The following CDH18 variants were observed in gnomAD, a reference collection of about 807,000 sequenced individuals.
CDH18 encodes cadherin-18.
In CDH18, 31 loss-of-function variants were observed where a neutral mutation model predicts 67.9. The observed-to-expected ratio is 0.46, with a 90% CI of 0.34 to 0.62. The LOEUF is 0.62. CDH18 is among the 20% of genes least tolerant of loss of function. CDH18 has a pLI of 0.01. For missense variants in CDH18, 890 were observed against 975.5 expected (o/e 0.91, Z 1.17); for synonymous variants, 362 against 347.2 (o/e 1.04, Z -0.48).
chr5:19,943,041 G>A (rs995753152), intron 2 of CDH18, among the ~76,000 whole-genome samples: 8 of 152,124 alleles, frequency 5.3e-5, no homozygotes, highest in Middle Eastern at 3.2e-3. Flanking sequence ...CTATCTAGCT[G>A]CAAGTTACTT....
chr5:20,502,803 G>T (rs537496957), intron 1 of CDH18, among the ~76,000 whole-genome samples: 1 of 152,182 alleles, frequency 6.6e-6, no homozygotes, highest in African/African-American at 2.4e-5. Flanking sequence ...ACCAGTCAGG[G>T]TTACTACATT....
chr5:19,692,714 A>C (rs1040774233), intron 5 of CDH18, among the ~76,000 whole-genome samples: 2 of 152,012 alleles, frequency 1.3e-5, no homozygotes, highest in African/African-American at 2.4e-5. Context: ...GGCTATTATT[A>C]AAATGGAAAA....
intron 2 of CDH18, among the ~76,000 whole-genome samples, chr5:20,246,232 T>C (rs182046173): frequency 1.0e-3 from 152 of 152,334 alleles, no homozygotes; most frequent in African/African-American, 3.6e-3. Flanking sequence ...TATTCTTTTA[T>C]AAAACCACCT....
At chr5:20,084,122 GC>G (rs1450893453) in intron 2 of CDH18, among the ~76,000 whole-genome samples, 1 of 152,102 alleles carries the variant, frequency 6.6e-6, no homozygotes, top group Non-Finnish European at 1.5e-5. Context: ...CCACCTATGA[GC>G]CTGTTATATC....
At position 19,866,128 on chromosome 5, in the gene CDH18, A is replaced by G. The variant is rs1042872288; in HGVS notation, c.-256-26886T>C. 5.3e-5 allele frequency among the ~76,000 whole-genome samples: 8 copies of G among 152,332 alleles called. No homozygotes were observed. The South Asian group carries it at 1.7e-3, about 32-fold the overall frequency. ...TTAGAGGTCACCAATATTGCTTCTG[A>G]AAACAGAAACCAAGTCTCTTAAAAC... On this transcript the variant is annotated intron_variant, in intron 2 of 12. Transcript: ENST00000382275.
At chr5:19,740,856 G>A (rs1036773721) in intron 4 of CDH18, among the ~76,000 whole-genome samples, 1 of 151,964 alleles carries the variant, frequency 6.6e-6, no homozygotes, top group Non-Finnish European at 1.5e-5. Context: ...TATAGAGAAA[G>A]AAATTGAAGA....
At chr5:20,050,266 ATAGT>A (rs1313623398) in intron 2 of CDH18, among the ~76,000 whole-genome samples, 3 of 151,860 alleles carry the variant, frequency 2.0e-5, no homozygotes, top group African/African-American at 4.8e-5. Context: ...AAAATGCCTA[ATAGT>A]TACTCTCTAT....
At chr5:20,020,753 G>A (rs148333213) in intron 2 of CDH18, among the ~76,000 whole-genome samples, 1 of 152,098 alleles carries the variant, frequency 6.6e-6, no homozygotes, top group Admixed American at 6.5e-5. Context: ...CAGGACCAGA[G>A]CCCCCATGGA....
intron 1 of CDH18, among the ~76,000 whole-genome samples, chr5:20,352,452 T>G (rs892249900): frequency 2.0e-5 from 3 of 151,970 alleles, no homozygotes; most frequent in African/African-American, 7.3e-5. Context: ...CTACTATGAT[T>G]ATCTCATTTT....
intron 5 of CDH18, among the ~76,000 whole-genome samples, chr5:19,710,352 G>T (rs1764556812): frequency 6.6e-6 from 1 of 152,072 alleles, no homozygotes; most frequent in African/African-American, 2.4e-5. Flanking sequence ...TGTCTTCTAT[G>T]TGTCACACAA....
At chr5:20,316,572 A>G (rs1179098311) in intron 1 of CDH18, among the ~76,000 whole-genome samples, 1 of 152,054 alleles carries the variant, frequency 6.6e-6, no homozygotes, top group Non-Finnish European at 1.5e-5. Flanking sequence ...TTAAGTTTGA[A>G]TTAATTGAAA....
intron 2 of CDH18, among the ~76,000 whole-genome samples, chr5:19,946,262 T>A (rs749023160): frequency 1.6e-4 from 24 of 152,220 alleles, no homozygotes; most frequent in Admixed American, 4.6e-4. Flanking sequence ...CAATGAAACA[T>A]CCTTCCGGAA....
intron 1 of CDH18, among the ~76,000 whole-genome samples, chr5:20,310,537 T>C (rs1317984311): frequency 3.3e-5 from 5 of 152,224 alleles, no homozygotes; most frequent in African/African-American, 1.2e-4. Flanking sequence ...GTTGGTCATG[T>C]GACCTCAGGG....
intron 2 of CDH18, among the ~76,000 whole-genome samples, chr5:20,237,524 A>C (rs1742570593): frequency 6.6e-6 from 1 of 151,970 alleles, no homozygotes; most frequent in South Asian, 2.1e-4. Flanking sequence ...TTGTGATATC[A>C]ACAAAGACTC....
At chr5:19,952,745 G>A (rs1262960333) in intron 2 of CDH18, among the ~76,000 whole-genome samples, 1 of 152,058 alleles carries the variant, frequency 6.6e-6, no homozygotes, top group East Asian at 1.9e-4. Context: ...TATAGTTCAA[G>A]ACATTCAATA....
intron 1 of CDH18, among the ~76,000 whole-genome samples, chr5:20,476,316 A>G (rs1242005391): frequency 6.6e-6 from 1 of 150,836 alleles, no homozygotes; most frequent in Non-Finnish European, 1.5e-5. Context: ...TAGTTAATAT[A>G]CCGATACTGG....
intron 2 of CDH18, among the ~76,000 whole-genome samples, chr5:20,036,226 TCAAA>T (rs1739849741): frequency 1.3e-5 from 2 of 152,010 alleles, no homozygotes; most frequent in Admixed American, 1.3e-4. Flanking sequence ...AGCTTACATG[TCAAA>T]CAGACTGGAA....
intron 5 of CDH18, among the ~76,000 whole-genome samples, chr5:19,718,377 T>C (rs569288232): frequency 1.3e-5 from 2 of 152,118 alleles, no homozygotes; most frequent in South Asian, 4.1e-4. Flanking sequence ...CCATTATAAG[T>C]GACTACTATT....
chr5:19,871,125 G>A (rs1561480469), intron 2 of CDH18, among the ~76,000 whole-genome samples: 7 of 152,110 alleles, frequency 4.6e-5, no homozygotes, highest in Admixed American at 4.6e-4. Flanking sequence ...AAATTCGTGA[G>A]TGGAAGAGCT....
Sources: gnomAD v4.1 joint callset for allele counts (sites outside exome capture counted in the v4.1 genomes callset) on GRCh38, gnomAD v4.1.1 for gene constraint, MANE v1.5 for transcripts, NCBI Gene and HGNC (gene_info 2026-07-23, HGNC 2026-07-21) for gene names.